Variants in ILDR1 observed in about 807,000 individuals in gnomAD.
The protein encoded by ILDR1 is immunoglobulin like domain containing receptor 1.
A neutral mutation model predicts 62.4 loss-of-function variants in ILDR1; 56 were observed. The ratio of observed to expected loss-of-function variants is 0.90; its 90% CI spans 0.72 to 1.12. The LOEUF is 1.12. ILDR1 is among the 50% of genes most tolerant of loss of function. The pLI is 0.00. For missense variants in ILDR1, 736 were observed against 710.6 expected (o/e 1.04, Z -0.41); for synonymous variants, 284 against 277.8 (o/e 1.02, Z -0.22).
At chr3:122,037,355 A>G in the ILDR1 span, among the ~76,000 whole-genome samples, 1 of 152,218 alleles carries the variant, frequency 6.6e-6, no homozygotes, top group African/African-American at 2.4e-5. Context: ...ACTGGGGTGG[A>G]GCCACCCAAG....
the ILDR1 span, among the ~76,000 whole-genome samples, chr3:122,060,674 C>T: frequency 6.6e-6 from 1 of 151,792 alleles, no homozygotes; most frequent in African/African-American, 2.4e-5. Context: ...AAATAAAATC[C>T]AATACTTTAT....
chr3:122,027,887 G>A, the ILDR1 span, among the ~76,000 whole-genome samples: 7 of 152,290 alleles, frequency 4.6e-5, no homozygotes, highest in South Asian at 1.5e-3. Flanking sequence ...AGACATAGGT[G>A]ATAACCTTGA....
chr3:122,046,690 CT>C, the ILDR1 span, among the ~76,000 whole-genome samples: 4 of 147,902 alleles, frequency 2.7e-5, no homozygotes, highest in South Asian at 8.8e-4. Flanking sequence ...TGCTGATACC[CT>C]TTCTTCCAGT....
At chr3:122,051,440 C>T in the ILDR1 span, among the ~76,000 whole-genome samples, 1 of 151,940 alleles carries the variant, frequency 6.6e-6, no homozygotes, top group Non-Finnish European at 1.5e-5. Flanking sequence ...TGTTTTAGTT[C>T]AGTTAAAATT....
the ILDR1 span, among the ~76,000 whole-genome samples, chr3:122,037,952 GTCTCTCTCTC>G: frequency 2.7e-5 from 4 of 149,732 alleles, no homozygotes; most frequent in Admixed American, 6.7e-5. Flanking sequence ...CTCTGTCTCT[GTCTCTCTCTC>G]TCTCTCTCTT....
chr3:122,027,494 A>G, the ILDR1 span, among the ~76,000 whole-genome samples: 1 of 152,020 alleles, frequency 6.6e-6, no homozygotes, highest in Admixed American at 6.6e-5. Context: ...CTGGCCTGAA[A>G]CTTTTTTTTT....
At chr3:122,047,466 T>C in the ILDR1 span, among the ~76,000 whole-genome samples, 1 of 152,336 alleles carries the variant, frequency 6.6e-6, no homozygotes, top group East Asian at 1.9e-4. Flanking sequence ...CCTGGCTGCT[T>C]TGTTTACCTA....
At chr3:122,026,308 A>G (rs1419133218), upstream of ILDR1, among the ~76,000 whole-genome samples, 1 of 152,216 alleles carries the variant, frequency 6.6e-6, no homozygotes, top group Admixed American at 6.5e-5. Flanking sequence ...AACTGTTACT[A>G]TAGTTAAGGT....
chr3:122,029,509 A>ATATAT, the ILDR1 span, among the ~76,000 whole-genome samples: 25 of 113,534 alleles, frequency 2.2e-4, no homozygotes, highest in South Asian at 4.8e-3. Flanking sequence ...CCGTCTAAAA[A>ATATAT]AAATATATAT....
the ILDR1 span, among the ~76,000 whole-genome samples, chr3:122,037,492 G>T: frequency 6.6e-6 from 1 of 152,174 alleles, no homozygotes; most frequent in Non-Finnish European, 1.5e-5. Context: ...GGGGCCTGTA[G>T]CCTCTTTGTT....
chr3:122,012,549 A>G (rs1233589541), intron 1 of ILDR1, among the ~76,000 whole-genome samples: 1 of 152,220 alleles, frequency 6.6e-6, no homozygotes, highest in Non-Finnish European at 1.5e-5. Context: ...TGGGGGTCAG[A>G]AAAGGGAATT....
chr3:122,030,586 C>T, the ILDR1 span, among the ~76,000 whole-genome samples: 1 of 151,578 alleles, frequency 6.6e-6, no homozygotes, highest in African/African-American at 2.4e-5. Flanking sequence ...TTCATTATCT[C>T]TGTGAGCTCA....
intron 5 of ILDR1, among the ~76,000 whole-genome samples, chr3:121,997,868 T>G (rs2071461069): frequency 6.6e-6 from 1 of 152,248 alleles, no homozygotes; most frequent in African/African-American, 2.4e-5. Context: ...TGTTTACCAC[T>G]ATTAGGTGAA....
At chr3:122,030,623 TTCTCTCTC>T in the ILDR1 span, among the ~76,000 whole-genome samples, 7 of 147,526 alleles carry the variant, frequency 4.7e-5, no homozygotes, top group African/African-American at 1.0e-4. Context: ...GCAAGGGTTT[TTCTCTCTC>T]TCTCTCTCTC....
the ILDR1 span, among the ~76,000 whole-genome samples, chr3:122,040,669 T>C: frequency 2.2e-5 from 3 of 136,540 alleles, no homozygotes; most frequent in African/African-American, 8.2e-5. Context: ...TGGTATACAA[T>C]GAAGAAGATA....
intron 5 of ILDR1, among the ~76,000 whole-genome samples, chr3:121,998,125 GA>G (rs1355146420): frequency 1.3e-5 from 2 of 152,086 alleles, no homozygotes; most frequent in Non-Finnish European, 2.9e-5. Context: ...ACATTTTAAT[GA>G]CTTCCTTTCT....
rs149337388 is a variant in ILDR1, at chr3:122,003,702, T to C, written c.379+1542A>G. Reference sequence around the variant, plus strand: ...AGAGGAGAATACTAATGCATTCCTGTGGTAGTAAGAATGAAGCAGGGTTTG... The same window carrying C: ...AGAGGAGAATACTAATGCATTCCTGCGGTAGTAAGAATGAAGCAGGGTTTG... On this transcript the variant is annotated intron_variant, in intron 3 of 7. Transcript: ENST00000344209. 3.2e-3 allele frequency among the ~76,000 whole-genome samples: 485 copies of C among 151,864 alleles called. 6 individuals carry two copies. Among genetic ancestry groups the C allele is most frequent in the East Asian group, 8.3e-3 (43 of 5,170 alleles).
the ILDR1 span, among the ~76,000 whole-genome samples, chr3:122,029,856 C>G: frequency 4.5e-3 from 691 of 152,270 alleles, 7 homozygotes; most frequent in African/African-American, 0.015. Context: ...GGTAACCTTA[C>G]ATAAATCACT....
chr3:122,044,754 G>C, the ILDR1 span, among the ~76,000 whole-genome samples: 1 of 151,938 alleles, frequency 6.6e-6, no homozygotes, highest in Non-Finnish European at 1.5e-5. Flanking sequence ...CTGTGGGATT[G>C]GTGGTGATAT....
Sources: gnomAD v4.1 joint callset for allele counts (sites outside exome capture counted in the v4.1 genomes callset) on GRCh38, gnomAD v4.1.1 for gene constraint, MANE v1.5 for transcripts, NCBI Gene and HGNC (gene_info 2026-07-23, HGNC 2026-07-21) for gene names.